The following DAB2IP variants were observed in gnomAD, a reference collection of about 807,000 sequenced individuals.
The protein encoded by DAB2IP is DAB2 interacting protein, also known as disabled homolog 2-interacting protein.
A neutral mutation model predicts 107.2 loss-of-function variants in DAB2IP; 28 were observed. That is an observed-to-expected ratio of 0.26 (90% CI 0.19 to 0.36). The LOEUF (loss-of-function observed/expected upper bound fraction) is 0.36. Among genes scored for constraint, DAB2IP ranks in the 10% least tolerant of loss-of-function variants. DAB2IP has a pLI of 1.00. For synonymous variants in DAB2IP, 755 were observed against 706.4 expected (o/e 1.07, Z -1.09); for missense variants, 1,400 against 1,644.7 (o/e 0.85, Z 2.57).
At chr9:121,610,651 G>A (rs113731751) in intron 1 of DAB2IP, among the ~76,000 whole-genome samples, 4,354 of 152,268 alleles carry the variant, frequency 0.029, 219 homozygotes, top group African/African-American at 0.099. Context: ...TGAGGGGTGG[G>A]AAGGTGATGG....
chr9:121,768,859 C>G (rs1299822151), intron 10 of DAB2IP, among the ~76,000 whole-genome samples: 2 of 152,234 alleles, frequency 1.3e-5, no homozygotes, highest in East Asian at 3.8e-4. Flanking sequence ...GGTACTAGAG[C>G]TGGGGTGTTC....
intron 1 of DAB2IP, among the ~76,000 whole-genome samples, chr9:121,578,547 G>A (rs1390442955): frequency 6.6e-6 from 1 of 151,422 alleles, no homozygotes; most frequent in African/African-American, 2.4e-5. Flanking sequence ...CTCTCCCTCC[G>A]TCAATTCCCC....
At chr9:121,581,857 G>A (rs1015441436) in intron 1 of DAB2IP, among the ~76,000 whole-genome samples, 3 of 152,190 alleles carry the variant, frequency 2.0e-5, no homozygotes, top group Non-Finnish European at 4.4e-5. Context: ...GCCAGAAATC[G>A]CCTGTGCTCC....
chr9:121,732,230 T>C (rs1167660427), intron 3 of DAB2IP, among the ~76,000 whole-genome samples: 2 of 152,272 alleles, frequency 1.3e-5, no homozygotes, highest in Non-Finnish European at 2.9e-5. Flanking sequence ...AGAAAAATGC[T>C]GACCATGTCT....
intron 1 of DAB2IP, among the ~76,000 whole-genome samples, chr9:121,660,128 A>C (rs1589468309): frequency 6.6e-6 from 1 of 152,268 alleles, no homozygotes; most frequent in South Asian, 2.1e-4. Context: ...ACCACTGGGA[A>C]TCAAAGGAAG....
At chr9:121,783,507 G>A (rs914118891) in exon 16 of DAB2IP, 3 of 1,614,156 alleles carry the variant, frequency 1.9e-6, no homozygotes, top group Non-Finnish European at 2.5e-6. Flanking sequence ...TGAGAAGGTG[G>A]ATAACTGTGA....
chr9:121,762,677 CCTGA>C (rs1365602073), intron 6 of DAB2IP, among the ~76,000 whole-genome samples: 4 of 151,732 alleles, frequency 2.6e-5, no homozygotes, highest in Middle Eastern at 6.8e-3. Flanking sequence ...GGCCCCCTGC[CCTGA>C]CTGTCACCCT....
At chr9:121,679,778 G>A (rs748990802) in intron 2 of DAB2IP, among the ~76,000 whole-genome samples, 12 of 152,150 alleles carry the variant, frequency 7.9e-5, no homozygotes, top group Non-Finnish European at 1.5e-4. Context: ...TTCACAGTGG[G>A]TTGGGAGGGG....
intron 1 of DAB2IP, among the ~76,000 whole-genome samples, chr9:121,586,724 G>A (rs1160789763): frequency 6.6e-6 from 1 of 152,094 alleles, no homozygotes; most frequent in Non-Finnish European, 1.5e-5. Context: ...GGAGTCTGAG[G>A]TGGGAGGATC....
intron 3 of DAB2IP, among the ~76,000 whole-genome samples, chr9:121,703,556 A>G (rs151166174): frequency 3.9e-5 from 6 of 152,336 alleles, no homozygotes; most frequent in African/African-American, 7.2e-5. Context: ...CATCTGCAGA[A>G]TGGGCATCAT....
chr9:121,721,517 C>A (rs1178510773), intron 3 of DAB2IP, among the ~76,000 whole-genome samples: 1 of 152,202 alleles, frequency 6.6e-6, no homozygotes, highest in African/African-American at 2.4e-5. Context: ...GCATCTGTGT[C>A]CATCTGGAGA....
At chr9:121,689,644 C>T (rs1317996570) in intron 2 of DAB2IP, among the ~76,000 whole-genome samples, 3 of 152,170 alleles carry the variant, frequency 2.0e-5, no homozygotes, top group Non-Finnish European at 4.4e-5. Flanking sequence ...TGGGGCCCCC[C>T]GGGCCAGCTG....
rs866036405 is a variant in DAB2IP, at chr9:121,728,295, G to A, written c.363-28718G>A. Among the ~76,000 whole-genome samples, 4 of 152,256 alleles carry A rather than the reference G, an allele frequency of 2.6e-5. No homozygotes were observed. In the Middle Eastern group the frequency reaches 0.014, roughly 518 times the overall value. On this transcript the variant is annotated intron_variant, in intron 3 of 15. Transcript: ENST00000408936. ...GGTTCTAAGAGGCATCCTGTGATCA[G>A]TTTTGGAGTAACACCCTGTGGGCTC...
At chr9:121,766,351 T>C in intron 8 of DAB2IP, 143 bp from the exon 9 acceptor site, 1 of 724,006 alleles carries the variant, frequency 1.4e-6, no homozygotes, top group South Asian at 1.8e-5. Context: ...CAGATGGCTG[T>C]GTCCTCAGAG....
intron 1 of DAB2IP, among the ~76,000 whole-genome samples, chr9:121,572,776 G>A (rs998937799): frequency 4.6e-5 from 7 of 152,042 alleles, no homozygotes; most frequent in African/African-American, 7.2e-5. Flanking sequence ...TCTGTGACTC[G>A]TACAGGAGCG....
At chr9:121,764,145 T>C (rs1230746223) in intron 8 of DAB2IP, among the ~76,000 whole-genome samples, 1 of 152,240 alleles carries the variant, frequency 6.6e-6, no homozygotes, top group Non-Finnish European at 1.5e-5. Flanking sequence ...TTGTGGGTGC[T>C]TGGGCTGCAG....
At chr9:121,582,464 C>A (rs1033339079) in intron 1 of DAB2IP, among the ~76,000 whole-genome samples, 2 of 152,144 alleles carry the variant, frequency 1.3e-5, no homozygotes, top group Non-Finnish European at 2.9e-5. Context: ...TGTCTCCTCA[C>A]TCCCAACTGT....
At position 121,772,533 on chromosome 9, in the gene DAB2IP, T is replaced by A. The variant is rs1418993319; in HGVS notation, c.2079-74T>A. ...CCGGCAGGTTGGCGGGTGCTGTCGG[T>A]TTGGACCCGCCTTGGCTGCACTCAC... On this transcript the variant is annotated intron_variant, in intron 11 of 15. Coordinates refer to ENST00000408936, the Ensembl canonical transcript of DAB2IP. The surrounding 1 kb of genome is among the most constrained non-coding windows in gnomAD (Gnocchi z 4.7). 6.6e-7 allele frequency: 1 copy of A among 1,517,450 alleles called. No homozygotes were observed. Among genetic ancestry groups the A allele is most frequent in the Admixed American group, 1.9e-5 (1 of 53,696 alleles). The allele number at this position is 1,517,450 out of a possible 1,614,324, so 94.0% of individuals were successfully genotyped here. A position where few individuals can be genotyped will look rare whatever the true frequency, so the allele number is the denominator to read the frequency against.
In DAB2IP at chr9:121,773,476, C is replaced by T. The variant is rs1367077259; in HGVS notation, c.2948C>T (p.Pro983Leu). 2.6e-6 allele frequency: 4 copies of T among 1,513,766 alleles called. No homozygotes were observed. Among genetic ancestry groups the T allele is most frequent in the Non-Finnish European group, 2.6e-6 (3 of 1,132,954 alleles). The allele number at this position is 1,513,766 out of a possible 1,614,324, so 93.8% of individuals were successfully genotyped here. The stretch of plus-strand genomic sequence containing the variant: ...AAGGGGGACAGCCCAGAACTGAAGC[C>T]ACGGGCAGTGCACAAGCAGGTCAGT... The change falls in exon 12 of 16, where the codon CCA (proline) becomes CTA (leucine). Residue 983 changes from proline to leucine, a missense_variant. Physicochemically the swap from Pro to Leu is moderately conservative, Grantham distance 98. Transcript: ENST00000408936.
Sources: gnomAD v4.1 joint callset for allele counts (sites outside exome capture counted in the v4.1 genomes callset) on GRCh38, gnomAD v4.1.1 for gene constraint, Gnocchi (gnomAD v3.1) non-coding constraint, MANE v1.5 for transcripts, NCBI Gene and HGNC (gene_info 2026-07-23, HGNC 2026-07-21) for gene names.